ARL15: variants seen among roughly 807,000 people sequenced by gnomAD.
The protein encoded by ARL15 is ARF like GTPase 15.
ARL15 carries 19 observed loss-of-function variants against 25.2 expected under a neutral mutation model. The observed-to-expected ratio is 0.75, with a 90% CI of 0.53 to 1.10. The LOEUF is 1.10. Ranked by LOEUF, ARL15 falls within the 50% of genes least tolerant of loss-of-function variation. The pLI, the probability that ARL15 is intolerant of heterozygous loss-of-function variation, is 0.00. For synonymous variants in ARL15, 94 were observed against 86.8 expected (o/e 1.08, Z -0.46); for missense variants, 220 against 246.0 (o/e 0.89, Z 0.71).
rs61025147 is a variant in ARL15, at chr5:54,246,797, T to TACACACACAC, written c.48+63625_48+63634dup. 1.1e-3 allele frequency among the ~76,000 whole-genome samples: 156 copies of TACACACACAC among 139,052 alleles called. 1 individual carries two copies. The South Asian group carries it at 0.015, about 13-fold the overall frequency. 91.2% of individuals were successfully genotyped at this position (139,052 alleles called of 152,430 possible). ...CCTCTTTTTATATACAAAGCATGCA[T>TACACACACAC]ACACACACACACACACACACACACA... On this transcript the variant is annotated intron_variant, in intron 1 of 4. Transcript: ENST00000504924.
At chr5:54,211,920 T>C (rs1248022291) in intron 1 of ARL15, among the ~76,000 whole-genome samples, 1 of 152,148 alleles carries the variant, frequency 6.6e-6, no homozygotes, top group Non-Finnish European at 1.5e-5. Flanking sequence ...AAGAGTAATT[T>C]GAGTAGGAAG....
chr5:54,249,089 G>A (rs986014114), intron 1 of ARL15, among the ~76,000 whole-genome samples: 6 of 152,096 alleles, frequency 3.9e-5, no homozygotes, highest in Non-Finnish European at 8.8e-5. Flanking sequence ...AAAGAAGCCA[G>A]TGGAGGAAAC....
intron 3 of ARL15, among the ~76,000 whole-genome samples, chr5:54,115,842 G>C (rs1244740309): frequency 6.6e-6 from 1 of 152,132 alleles, no homozygotes; most frequent in Non-Finnish European, 1.5e-5. Context: ...TCATTACTTA[G>C]GTGGTGGTGG....
intron 4 of ARL15, among the ~76,000 whole-genome samples, chr5:54,050,060 G>A (rs984382499): frequency 6.6e-6 from 1 of 152,022 alleles, no homozygotes; most frequent in Non-Finnish European, 1.5e-5. Flanking sequence ...TTCTCTTTTT[G>A]TTGGTTAACA....
rs1754730502 is a variant in ARL15 at position 54,171,903 on chromosome 5, C to A, written c.74G>T (p.Gly25Val). The change falls in exon 2 of 5, where the codon GGA becomes GTA. Residue 25 changes from glycine to valine, a missense_variant. Transcript: ENST00000504924. ...ATATTCTGGTCGTGCAGGTGGTGGTCCCTTGCAGCAAAGTGCTCTAAAACA... is the reference window on the plus strand; with the variant it reads ...ATATTCTGGTCGTGCAGGTGGTGGTACCTTGCAGCAAAGTGCTCTAAAACA... Reference protein sequence around the residue: ...YLCFRALCCKGPPPARPEYDL... With the variant: ...YLCFRALCCKVPPPARPEYDL... 1.2e-6 allele frequency: 2 copies of A among 1,613,010 alleles called. No individual in the cohort carries two copies. The highest frequency in any genetic ancestry group is 1.7e-6 in the Non-Finnish European group (2 of 1,179,362).
intron 4 of ARL15, among the ~76,000 whole-genome samples, chr5:53,923,808 T>C (rs1368018121): frequency 6.6e-6 from 1 of 152,138 alleles, no homozygotes; most frequent in Non-Finnish European, 1.5e-5. Context: ...GAGTTTGCAG[T>C]GAGCCGAGGT....
At chr5:54,234,021 G>C (rs1756738631) in intron 1 of ARL15, among the ~76,000 whole-genome samples, 2 of 151,952 alleles carry the variant, frequency 1.3e-5, no homozygotes, top group Non-Finnish European at 2.9e-5. Flanking sequence ...TATTTTTTGA[G>C]ACAGTCTCGC....
At chr5:54,039,799 C>CA (rs1750277890) in intron 4 of ARL15, among the ~76,000 whole-genome samples, 1 of 27,152 alleles carries the variant, frequency 3.7e-5, no homozygotes, top group Non-Finnish European at 7.4e-5. Flanking sequence ...AAGACTCTGT[C>CA]TAAAAAAAAA....
chr5:54,025,646 GTTATTTGTTTGTTTGT>G (rs1307150922), intron 4 of ARL15, among the ~76,000 whole-genome samples: 1 of 136,848 alleles, frequency 7.3e-6, no homozygotes, highest in African/African-American at 2.9e-5. Context: ...CTACTGGCAA[GTTATTTGTTTGTTTGT>G]TTGTTTGTTT....
In ARL15 at chr5:53,886,313, T is replaced by C. The variant is rs1327171023; in HGVS notation, c.*248A>G. 1 of 396,910 alleles carries C rather than the reference T, an allele frequency of 2.5e-6. No homozygotes were observed. The highest frequency in any genetic ancestry group is 4.5e-6 in the Non-Finnish European group (1 of 221,392). The allele number at this position is 396,910 out of a possible 1,614,324, so 24.6% of individuals were successfully genotyped here. On this transcript the variant is annotated 3_prime_UTR_variant, in exon 5 of 5. Transcript: ENST00000504924. ...CTTAGAACAACAGAAGGAAGAGACA[T>C]GCGGGGAAGATAATTAGTGGTAAAC...
chr5:54,066,034 T>A lies in ARL15; in HGVS notation c.462+47168A>T, dbSNP rs927615542. On this transcript the variant is annotated intron_variant, in intron 4 of 4. Coordinates refer to ENST00000504924, the MANE Select transcript of ARL15 (RefSeq NM_019087.3). ...GTTATTGAGTTCTTACTCTGCTAGATGTTTTAAATACATTATTTCTAGCAT... is the reference window on the plus strand; with the variant it reads ...GTTATTGAGTTCTTACTCTGCTAGAAGTTTTAAATACATTATTTCTAGCAT... 4.6e-5 allele frequency among the ~76,000 whole-genome samples: 7 copies of A among 152,246 alleles called. No individual in the cohort carries two copies. In the East Asian group the frequency reaches 1.3e-3, roughly 29 times the overall value.
intron 4 of ARL15, among the ~76,000 whole-genome samples, chr5:53,955,783 G>A (rs148631896): frequency 3.1e-4 from 47 of 152,274 alleles, no homozygotes; most frequent in Non-Finnish European, 2.8e-4. Flanking sequence ...GGACCCTGGC[G>A]CCTGGTTCTG....
chr5:54,204,305 C>T (rs1043714375), intron 1 of ARL15, among the ~76,000 whole-genome samples: 23 of 152,164 alleles, frequency 1.5e-4, no homozygotes, highest in Non-Finnish European at 2.9e-4. Context: ...CGCCAGACTC[C>T]ATTCTATTTG....
intron 4 of ARL15, among the ~76,000 whole-genome samples, chr5:54,095,320 G>A (rs1752253114): frequency 2.6e-5 from 4 of 152,154 alleles, no homozygotes; most frequent in Admixed American, 2.6e-4. Context: ...AAAATTTATA[G>A]TTCTTTTTAG....
chr5:53,911,120 A>G (rs568220730), intron 4 of ARL15, among the ~76,000 whole-genome samples: 78 of 152,242 alleles, frequency 5.1e-4, no homozygotes, highest in Admixed American at 1.1e-3. Flanking sequence ...CATTCTTACT[A>G]TTTTGAGGGC....
intron 2 of ARL15, among the ~76,000 whole-genome samples, chr5:54,163,647 A>G (rs1754486738): frequency 6.6e-6 from 1 of 151,890 alleles, no homozygotes; most frequent in African/African-American, 2.4e-5. Flanking sequence ...TTTGTCCTTC[A>G]AGGAAATTGT....
chr5:54,062,387 C>T (rs186359500), intron 4 of ARL15, among the ~76,000 whole-genome samples: 24 of 152,136 alleles, frequency 1.6e-4, no homozygotes, highest in Non-Finnish European at 3.1e-4. Context: ...TGTGTCCCCA[C>T]CCAAATCTCA....
intron 4 of ARL15, among the ~76,000 whole-genome samples, chr5:53,932,838 G>A (rs1169390171): frequency 4.6e-5 from 7 of 152,174 alleles, no homozygotes; most frequent in South Asian, 4.1e-4. Context: ...CCTCAAAGAC[G>A]AAGGAGCTCA....
At chr5:54,220,791 C>T (rs1229321171) in intron 1 of ARL15, among the ~76,000 whole-genome samples, 3 of 152,140 alleles carry the variant, frequency 2.0e-5, no homozygotes, top group Non-Finnish European at 4.4e-5. Context: ...TTACTGGGAA[C>T]TAATTCATGG....
Sources: allele counts gnomAD v4.1 joint callset (sites outside exome capture counted in the v4.1 genomes callset), GRCh38; gene constraint gnomAD v4.1.1; transcripts MANE v1.5; gene names NCBI Gene and HGNC (gene_info 2026-07-23, HGNC 2026-07-21).